Variants in ADAM22 observed in about 807,000 individuals in gnomAD.
ADAM22 encodes disintegrin and metalloproteinase domain-containing protein 22.
Under a neutral mutation model 144.6 loss-of-function variants are expected in ADAM22, and 65 were observed. The ratio of observed to expected loss-of-function variants is 0.45; its 90% CI spans 0.37 to 0.55. The LOEUF (loss-of-function observed/expected upper bound fraction) is 0.55, where lower values mean the gene tolerates loss of function less well. Among genes scored for constraint, ADAM22 ranks in the 20% least tolerant of loss-of-function variants. The probability of loss-of-function intolerance (pLI) is 0.00; values close to 1 mark genes in which losing one functional copy is unlikely to be tolerated. For synonymous variants in ADAM22, 391 were observed against 412.6 expected (o/e 0.95, Z 0.63); for missense variants, 974 against 1,184.9 (o/e 0.82, Z 2.61).
chr7:88,137,186 T>G (rs1563299581), intron 14 of ADAM22, among the ~76,000 whole-genome samples: 1 of 152,200 alleles, frequency 6.6e-6, no homozygotes, highest in Non-Finnish European at 1.5e-5. Flanking sequence ...CTGTATGTAT[T>G]CTTCTGTGAC....
chr7:87,976,870 CT>C (rs753940558), intron 2 of ADAM22, among the ~76,000 whole-genome samples: 294 of 130,132 alleles, frequency 2.3e-3, no homozygotes, highest in Middle Eastern at 0.011. Context: ...TTTTTTATTT[CT>C]TTTTTTTTTT....
chr7:88,116,600 G>C, intron 6 of ADAM22, 145 bp from the exon 7 acceptor site: 2 of 620,038 alleles, frequency 3.2e-6, no homozygotes, highest in Non-Finnish European at 2.9e-6. Context: ...AATAGGAGGG[G>C]TTGGGCAATG....
intron 2 of ADAM22, among the ~76,000 whole-genome samples, chr7:87,958,113 T>C (rs1028664210): frequency 1.3e-5 from 2 of 152,198 alleles, no homozygotes; most frequent in African/African-American, 4.8e-5. Context: ...TAGTAGTATT[T>C]ATAGCGTATT....
At chr7:88,149,904 G>C (rs1007311570) in intron 18 of ADAM22, among the ~76,000 whole-genome samples, 2 of 152,170 alleles carry the variant, frequency 1.3e-5, no homozygotes, top group Non-Finnish European at 2.9e-5. Flanking sequence ...ATGATATAGA[G>C]TGAGCATATT....
intron 30 of ADAM22, among the ~76,000 whole-genome samples, chr7:88,187,136 G>A (rs1043903944): frequency 5.9e-5 from 9 of 152,140 alleles, no homozygotes; most frequent in East Asian, 5.8e-4. Flanking sequence ...ACGGAAAAAC[G>A]TATAAAGAAA....
At chr7:87,979,126 G>T (rs560279586) in intron 3 of ADAM22, among the ~76,000 whole-genome samples, 2 of 152,146 alleles carry the variant, frequency 1.3e-5, no homozygotes, top group Non-Finnish European at 2.9e-5. Context: ...TCTGAGCTGG[G>T]CAGAATTGGG....
intron 23 of ADAM22, among the ~76,000 whole-genome samples, chr7:88,163,749 A>G (rs1018370253): frequency 1.3e-5 from 2 of 152,156 alleles, no homozygotes; most frequent in African/African-American, 4.8e-5. Context: ...TCTTTCAGTT[A>G]TATATCAGAT....
At chr7:88,088,541 T>C (rs1332317899) in intron 4 of ADAM22, among the ~76,000 whole-genome samples, 1 of 149,304 alleles carries the variant, frequency 6.7e-6, no homozygotes, top group African/African-American at 2.5e-5. Context: ...AGAGGACAGC[T>C]GTAAGAAATC....
chr7:87,982,701 T>TATATATATATATATATATATATATATAA (rs1554373733), intron 3 of ADAM22, among the ~76,000 whole-genome samples: 17 of 33,770 alleles, frequency 5.0e-4, no homozygotes, highest in Admixed American at 1.5e-3. Context: ...ATATATATAA[T>TATATATATATATATATATATATATATAA]TTTTTTTTTT....
chr7:88,196,671 C>A lies in ADAM22; in HGVS notation c.*180C>A. 1 of 642,428 alleles carries A rather than the reference C, an allele frequency of 1.6e-6. No homozygotes were observed. Among genetic ancestry groups the A allele is most frequent in the South Asian group, 1.9e-5 (1 of 51,898 alleles). The allele number at this position is 642,428 out of a possible 1,614,324, so 39.8% of individuals were successfully genotyped here. On this transcript the variant is annotated 3_prime_UTR_variant, in exon 32 of 32. Coordinates refer to ENST00000413139, the MANE Select transcript of ADAM22 (RefSeq NM_001324418.2). ...GTTACCATTTTCTTTTTGTCATTGGCTTAGGATTTAACTAACCATGAAAAG... is the reference window on the plus strand; with the variant it reads ...GTTACCATTTTCTTTTTGTCATTGGATTAGGATTTAACTAACCATGAAAAG...
chr7:87,989,049 G>A (rs1239124065), intron 3 of ADAM22, among the ~76,000 whole-genome samples: 2 of 152,204 alleles, frequency 1.3e-5, no homozygotes, highest in Non-Finnish European at 2.9e-5. Flanking sequence ...TGTATGCTTT[G>A]TTTCCAGAGT....
chr7:88,044,048 GTACT>G (rs1343180001), intron 3 of ADAM22, among the ~76,000 whole-genome samples: 3 of 152,188 alleles, frequency 2.0e-5, no homozygotes, highest in Non-Finnish European at 4.4e-5. Flanking sequence ...CCAAAGAGAA[GTACT>G]TGTTCTTGAA....
At chr7:88,058,341 AGTTTT>A (rs1001652335) in intron 3 of ADAM22, among the ~76,000 whole-genome samples, 3 of 152,228 alleles carry the variant, frequency 2.0e-5, no homozygotes, top group Non-Finnish European at 2.9e-5. Context: ...TGACAGTCAT[AGTTTT>A]GTTTTATTTT....
intron 2 of ADAM22, among the ~76,000 whole-genome samples, chr7:87,947,841 GC>G (rs1384942281): frequency 6.6e-6 from 1 of 152,156 alleles, no homozygotes; most frequent in Admixed American, 6.5e-5. Context: ...TGGAATGAAG[GC>G]ATGGACCCTC....
chr7:87,980,896 T>C (rs1853232228), intron 3 of ADAM22, among the ~76,000 whole-genome samples: 1 of 152,154 alleles, frequency 6.6e-6, no homozygotes, highest in South Asian at 2.1e-4. Flanking sequence ...ATGAAACATA[T>C]GGCCTGGTCT....
At chr7:88,063,220 G>A (rs1289168115) in intron 3 of ADAM22, among the ~76,000 whole-genome samples, 4 of 152,036 alleles carry the variant, frequency 2.6e-5, no homozygotes, top group Admixed American at 2.0e-4. Context: ...ATAAAACAAG[G>A]TATGCCTGTA....
intron 3 of ADAM22, among the ~76,000 whole-genome samples, chr7:87,981,397 G>A (rs1193363454): frequency 6.6e-6 from 1 of 152,046 alleles, no homozygotes; most frequent in South Asian, 2.1e-4. Flanking sequence ...CAATAACAAC[G>A]AAATGGTTTT....
chr7:88,033,556 A>G (rs777382478), intron 3 of ADAM22, among the ~76,000 whole-genome samples: 1 of 152,122 alleles, frequency 6.6e-6, no homozygotes, highest in Non-Finnish European at 1.5e-5. Context: ...CCTTGCTACC[A>G]TCTATGTTTG....
chr7:88,074,001 C>T (rs1813510741), intron 3 of ADAM22, among the ~76,000 whole-genome samples: 1 of 152,130 alleles, frequency 6.6e-6, no homozygotes, highest in Admixed American at 6.5e-5. Context: ...CCCCAGTGTA[C>T]ATTTAGCAAT....
Sources: gnomAD v4.1 joint callset for allele counts (sites outside exome capture counted in the v4.1 genomes callset) on GRCh38, gnomAD v4.1.1 for gene constraint, MANE v1.5 for transcripts, NCBI Gene and HGNC (gene_info 2026-07-23, HGNC 2026-07-21) for gene names.